Variants in MAPK8 observed in about 807,000 individuals in gnomAD.
MAPK8 encodes the protein mitogen-activated protein kinase 8.
MAPK8 carries 13 observed loss-of-function variants against 52.9 expected under a neutral mutation model. The observed-to-expected ratio is 0.25, with a 90% CI of 0.16 to 0.39. MAPK8 has a LOEUF of 0.39. Ranked by LOEUF, MAPK8 falls within the 10% of genes least tolerant of loss-of-function variation. The pLI is 1.00. For synonymous variants in MAPK8, 191 were observed against 169.8 expected, an observed-to-expected ratio of 1.12 and a Z score of -0.97; for missense variants, 300 against 519.2, an observed-to-expected ratio of 0.58 and a Z score of 4.10.
chr10:48,413,530 C>T (rs1242258008), intron 5 of MAPK8, among the ~76,000 whole-genome samples: 1 of 151,786 alleles, frequency 6.6e-6, no homozygotes, highest in African/African-American at 2.4e-5. Context: ...GTTCTGAGTT[C>T]ACTTGATTGC....
intron 6 of MAPK8, among the ~76,000 whole-genome samples, chr10:48,422,293 A>G (rs544951366): frequency 3.5e-4 from 54 of 152,222 alleles, no homozygotes; most frequent in Non-Finnish European, 5.4e-4. Flanking sequence ...CAGCCTCCCA[A>G]AGTGCTGGGA....
intron 5 of MAPK8, among the ~76,000 whole-genome samples, chr10:48,418,249 C>T (rs2043167941): frequency 6.6e-6 from 1 of 152,260 alleles, no homozygotes; most frequent in East Asian, 1.9e-4. Flanking sequence ...TGTGAGTTTC[C>T]CTGCTGCTCA....
intron 7 of MAPK8, chr10:48,425,105 C>T: frequency 1.4e-6 from 1 of 702,954 alleles, no homozygotes; most frequent in African/African-American, 1.8e-5. Context: ...TTGTTCATCC[C>T]ACTACTTTTA....
intron 11 of MAPK8, among the ~76,000 whole-genome samples, chr10:48,432,263 G>T (rs1292104552): frequency 6.6e-6 from 1 of 152,140 alleles, no homozygotes; most frequent in Admixed American, 6.6e-5. Context: ...GTTGTATCTA[G>T]CATCTTGTAT....
chr10:48,364,155 G>GT (rs1449759708), intron 1 of MAPK8, among the ~76,000 whole-genome samples: 1 of 152,108 alleles, frequency 6.6e-6, no homozygotes, highest in Admixed American at 6.5e-5. Flanking sequence ...TTTATTTAGT[G>GT]TTTTTGTGCT....
intron 1 of MAPK8, among the ~76,000 whole-genome samples, chr10:48,354,328 C>T (rs1846634379): frequency 6.6e-6 from 1 of 152,196 alleles, no homozygotes; most frequent in Non-Finnish European, 1.5e-5. Flanking sequence ...TCCTCAGCAT[C>T]AGAGAGCATT....
At chr10:48,430,880 A>G (rs1210705947) in intron 10 of MAPK8, 2 of 376,420 alleles carry the variant, frequency 5.3e-6, no homozygotes, top group Non-Finnish European at 9.7e-6. Context: ...GGTATGTGGT[A>G]TGATGTGCTG....
At chr10:48,359,365 C>T (rs866361605) in intron 1 of MAPK8, among the ~76,000 whole-genome samples, 5 of 151,912 alleles carry the variant, frequency 3.3e-5, no homozygotes, top group Admixed American at 6.6e-5. Flanking sequence ...TGTTGTAATT[C>T]GGATACATTT....
intron 1 of MAPK8, among the ~76,000 whole-genome samples, chr10:48,325,223 A>G (rs1462583776): frequency 6.6e-6 from 1 of 152,044 alleles, no homozygotes; most frequent in Non-Finnish European, 1.5e-5. Flanking sequence ...TGATCTGCCC[A>G]CCTTGGCCTC....
At chr10:48,416,735 G>A (rs1761517447) in intron 5 of MAPK8, among the ~76,000 whole-genome samples, 1 of 152,122 alleles carries the variant, frequency 6.6e-6, no homozygotes, top group African/African-American at 2.4e-5. Context: ...AAATTCTTCT[G>A]TACAGACATT....
intron 1 of MAPK8, among the ~76,000 whole-genome samples, chr10:48,394,976 A>G (rs540017880): frequency 9.9e-5 from 15 of 152,092 alleles, no homozygotes; most frequent in African/African-American, 3.6e-4. Flanking sequence ...GGAGAAGTTA[A>G]ACAAAATTAT....
At chr10:48,328,797 C>G (rs1843792361) in intron 1 of MAPK8, among the ~76,000 whole-genome samples, 1 of 152,216 alleles carries the variant, frequency 6.6e-6, no homozygotes, top group African/African-American at 2.4e-5. Flanking sequence ...TCCAGCCAAA[C>G]TCTTCTATGG....
chr10:48,315,626 C>T (rs1323732683), intron 1 of MAPK8, among the ~76,000 whole-genome samples: 2 of 144,156 alleles, frequency 1.4e-5, no homozygotes, highest in Non-Finnish European at 3.0e-5. Flanking sequence ...CTGGAAATGG[C>T]ATCTTTTTTT....
At position 48,395,879 on chromosome 10, in the gene MAPK8, G is replaced by C. The variant is rs113240579; in HGVS notation, c.-49-5733G>C. On this transcript the variant is annotated intron_variant, in intron 1 of 11. Transcript: ENST00000374189. ...AAAGATGCAAAAGTAATTCAGTGGG[G>C]AGAAATGATGCTTTTTGCAACAAAT... is the stretch of plus-strand genomic sequence containing the variant. 3.0e-3 allele frequency among the ~76,000 whole-genome samples: 455 copies of C among 152,192 alleles called. 4 individuals carry two copies. The highest frequency in any genetic ancestry group is 0.011 in the African/African-American group (443 of 41,568).
intron 1 of MAPK8, among the ~76,000 whole-genome samples, chr10:48,310,862 A>G (rs1841916525): frequency 6.6e-6 from 1 of 152,092 alleles, no homozygotes; most frequent in Non-Finnish European, 1.5e-5. Flanking sequence ...CACAAATACA[A>G]GAGATACCTG....
chr10:48,336,015 C>G (rs1196287162), intron 1 of MAPK8, among the ~76,000 whole-genome samples: 1 of 152,096 alleles, frequency 6.6e-6, no homozygotes, highest in East Asian at 1.9e-4. Context: ...AAATGTGTTT[C>G]TTTATACCAC....
chr10:48,431,462 T>G (rs2044251109), intron 11 of MAPK8, among the ~76,000 whole-genome samples, 192 bp downstream of exon 11: 1 of 152,248 alleles, frequency 6.6e-6, no homozygotes, highest in Admixed American at 6.5e-5. Context: ...GTTCATAAGA[T>G]GCACATCTTT....
chr10:48,346,168 C>T (rs532998585), intron 1 of MAPK8, among the ~76,000 whole-genome samples: 151 of 152,230 alleles, frequency 9.9e-4, no homozygotes, highest in Admixed American at 3.5e-3. Flanking sequence ...ACAGGGGACA[C>T]GAGCTGTTCC....
At chr10:48,392,843 G>C (rs2041698797) in intron 1 of MAPK8, among the ~76,000 whole-genome samples, 1 of 152,058 alleles carries the variant, frequency 6.6e-6, no homozygotes, top group African/African-American at 2.4e-5. Context: ...CTTCTCTAAA[G>C]AAGTAGCTAT....
Sources: gnomAD v4.1 joint callset for allele counts (sites outside exome capture counted in the v4.1 genomes callset) on GRCh38, gnomAD v4.1.1 for gene constraint, MANE v1.5 for transcripts, NCBI Gene and HGNC (gene_info 2026-07-23, HGNC 2026-07-21) for gene names.